LGALS1: variants seen among roughly 807,000 people sequenced by gnomAD.
LGALS1 encodes galectin 1.
A neutral mutation model predicts 14.4 loss-of-function variants in LGALS1; 14 were observed. The ratio of observed to expected loss-of-function variants is 0.97; its 90% CI spans 0.64 to 1.52. The LOEUF is 1.52. Among genes scored for constraint, LGALS1 ranks in the 40% most tolerant of loss-of-function variants. LGALS1 has a pLI of 0.00. For synonymous variants in LGALS1, 71 were observed against 73.4 expected (o/e 0.97, Z 0.17); for missense variants, 170 against 181.4 (o/e 0.94, Z 0.36).
intron 1 of LGALS1, among the ~76,000 whole-genome samples, chr22:37,676,548 A>G (rs1921433737): frequency 6.6e-6 from 1 of 152,002 alleles, no homozygotes; most frequent in African/African-American, 2.4e-5. Flanking sequence ...GAAGGAGAAT[A>G]GTGGGGTCGC....
intron 1 of LGALS1, chr22:37,676,744 C>T (rs1054392927): frequency 1.2e-4 from 68 of 583,666 alleles, no homozygotes; most frequent in Non-Finnish European, 1.9e-4. Flanking sequence ...TAGAGCCTGT[C>T]TTCTAGAACC....
chr22:37,677,094 GCAGGGACGGGCTTGGTC>G (rs752432288), intron 2 of LGALS1, 29 bp downstream of exon 2: 1 of 1,607,266 alleles, frequency 6.2e-7, no homozygotes. Flanking sequence ...GTGGTGGGCG[GCAGGGACGGGCTTGGTC>G]CAGCAGGGAG....
chr22:37,678,742 G>C (rs1202558694), intron 3 of LGALS1, 88 bp downstream of exon 3: 6 of 1,345,980 alleles, frequency 4.5e-6, no homozygotes, highest in South Asian at 2.8e-5. Flanking sequence ...CCTTGGCCCT[G>C]CCTGCTCTTT....
At chr22:37,677,177 G>A in intron 2 of LGALS1, 112 bp downstream of exon 2, 4 of 1,037,200 alleles carry the variant, frequency 3.9e-6, no homozygotes, top group Non-Finnish European at 5.6e-6. Context: ...TTAACGGCCA[G>A]CCGCCGATGC....
At chr22:37,678,869 C>A (rs1223868871) in intron 3 of LGALS1, among the ~76,000 whole-genome samples, 1 of 152,204 alleles carries the variant, frequency 6.6e-6, no homozygotes, top group South Asian at 2.1e-4. Context: ...GTGGCTCATG[C>A]CTGTAATCCC....
intron 3 of LGALS1, 93 bp downstream of exon 3, chr22:37,678,747 CTCT>C: frequency 7.9e-7 from 1 of 1,266,914 alleles, no homozygotes; most frequent in African/African-American, 1.5e-5. Context: ...GCCCTGCCTG[CTCT>C]TTCCCCTCCC....
chr22:37,678,600 G>A lies in LGALS1; in HGVS notation c.207G>A (p.Trp69Ter), dbSNP rs4887. ...IVCNSKDGGA[W>*]GTEQREAVFP... Reference sequence around the variant, plus strand: ...GCAACAGCAAGGACGGCGGGGCCTGGGGGACCGAGCAGCGGGAGGCTGTCT... The same window carrying A: ...GCAACAGCAAGGACGGCGGGGCCTGAGGGACCGAGCAGCGGGAGGCTGTCT... Residue 69 changes from tryptophan to a stop codon, truncating the protein, a stop_gained, in exon 3 of 4, where the codon TGG becomes TGA. Transcript: ENST00000215909. LOFTEE classifies it high-confidence loss of function. The A allele has an allele frequency of 5.0e-6, 8 of 1,613,218 alleles. No individual in the cohort carries two copies. The highest frequency in any genetic ancestry group is 6.8e-6 in the Non-Finnish European group (8 of 1,179,920).
chr22:37,677,362 C>T (rs991974937), intron 2 of LGALS1: 6 of 387,820 alleles, frequency 1.5e-5, no homozygotes, highest in Admixed American at 1.3e-4. Flanking sequence ...CGGGACCTGT[C>T]GCTGGGGAGG....
chr22:37,676,867 G>A (rs755266253), intron 1 of LGALS1, 119 bp from the exon 2 acceptor site: 2 of 936,618 alleles, frequency 2.1e-6, no homozygotes, highest in Non-Finnish European at 3.4e-6. Context: ...CTTCCCCTTG[G>A]CTTGGTCAGA....
intron 3 of LGALS1, 107 bp downstream of exon 3, chr22:37,678,761 C>T (rs376175122): frequency 9.1e-7 from 1 of 1,098,260 alleles, no homozygotes. Context: ...TTCCCCTCCC[C>T]TTCCCTCCCT....
At chr22:37,677,422 C>T (rs887692947) in intron 2 of LGALS1, 24 of 297,624 alleles carry the variant, frequency 8.1e-5, no homozygotes, top group Non-Finnish European at 1.4e-4. Flanking sequence ...CCCTGAGTCC[C>T]TCCTTCCTGC....
chr22:37,675,723 G>GT lies in LGALS1; in HGVS notation c.9+12_9+13insT. The GT allele has an allele frequency of 6.5e-7, 1 of 1,532,794 alleles. No homozygotes were observed. The highest frequency in any genetic ancestry group is 8.8e-7 in the Non-Finnish European group (1 of 1,138,588). The allele number at this position is 1,532,794 out of a possible 1,614,324, so 94.9% of individuals were successfully genotyped here. A position where few individuals can be genotyped will look rare whatever the true frequency, so the allele number is the denominator to read the frequency against. On this transcript the variant is annotated intron_variant, in intron 1 of 3. Coordinates refer to ENST00000215909, the MANE Select transcript of LGALS1 (RefSeq NM_002305.4). Reference sequence around the variant, plus strand: ...CAATCATGGCTTGTGTGAGTGTGGGGACCCCCCCCCAAGGTCCAGGGGATA... The same window carrying GT: ...CAATCATGGCTTGTGTGAGTGTGGGGTACCCCCCCCCAAGGTCCAGGGGATA...
Position 37,679,609 on chromosome 22 carries a change from A to C in LGALS1, c.268A>C (p.Ile90Leu), listed in dbSNP as rs768766555. The C allele has an allele frequency of 1.2e-6, 2 of 1,604,402 alleles. No homozygotes were observed. Among genetic ancestry groups the C allele is most frequent in the African/African-American group, 1.3e-5 (1 of 74,628 alleles). Reference protein sequence around the residue: ...FQPGSVAEVCITFDQANLTVK... With the variant: ...FQPGSVAEVCLTFDQANLTVK... ...TGCTCTCCTCTACCCCCAGGTGTGC[A>C]TCACCTTCGACCAGGCCAACCTGAC... is the stretch of plus-strand genomic sequence containing the variant. The change falls in exon 4 of 4, where the codon ATC becomes CTC. Residue 90 changes from isoleucine (I) to leucine (L), a missense_variant. Coordinates refer to ENST00000215909, the MANE Select transcript of LGALS1 (RefSeq NM_002305.4).
At chr22:37,678,849 G>A (rs185597405) in intron 3 of LGALS1, among the ~76,000 whole-genome samples, 195 bp downstream of exon 3, 1 of 152,296 alleles carries the variant, frequency 6.6e-6, no homozygotes, top group African/African-American at 2.4e-5. Flanking sequence ...AAAAAAAAAG[G>A]CTGGGCTTGG....
At chr22:37,675,980 T>C in intron 1 of LGALS1, 2 of 375,490 alleles carry the variant, frequency 5.3e-6, no homozygotes, top group South Asian at 8.1e-5. Context: ...TCTGCAGCTC[T>C]CTGAGAAGTG....
intron 2 of LGALS1, 164 bp downstream of exon 2, chr22:37,677,229 GC>G (rs913120148): frequency 3.0e-6 from 2 of 673,182 alleles, no homozygotes; most frequent in East Asian, 2.7e-5. Context: ...GGGTCTGGGC[GC>G]CCCCACCGTT....
At chr22:37,677,134 C>T in intron 2 of LGALS1, 69 bp downstream of exon 2, 1 of 1,463,852 alleles carries the variant, frequency 6.8e-7, no homozygotes, top group East Asian at 2.3e-5. Flanking sequence ...CGTGGCCGGC[C>T]AAGCCCACAT....
chr22:37,676,991 G>T lies in LGALS1; in HGVS notation c.15G>T (p.Leu5=). 2 of 1,614,140 alleles carry T rather than the reference G, an allele frequency of 1.2e-6. No homozygotes were observed. The highest frequency in any genetic ancestry group is 8.5e-7 in the Non-Finnish European group (1 of 1,180,036). The change falls in exon 2 of 4, where the codon CTG becomes CTT. Residue 5 remains leucine (L), a synonymous_variant. Transcript: ENST00000215909. ...GCCGGGGCTTGTCTGTGCAGGGTCT[G>T]GTCGCCAGCAACCTGAATCTCAAAC... MACG[L]VASNLNLKPG... is the part of the protein sequence containing the mutation.
In LGALS1 at chr22:37,679,748, GA is replaced by G; in HGVS notation, c.*2del. On this transcript the variant is annotated frameshift_variant and stop_lost, in exon 4 of 4. Transcript: ENST00000215909. LOFTEE classifies it high-confidence loss of function. Reference sequence around the variant, plus strand: ...AAGATCAAATGTGTGGCCTTTGACTGAAATCAGCCAGCCCATGGCCCCCAAT... The same window carrying G: ...AAGATCAAATGTGTGGCCTTTGACTGAATCAGCCAGCCCATGGCCCCCAAT... ...DFKIKCVAFD[*>X] The G allele has an allele frequency of 6.3e-7, 1 of 1,588,578 alleles. No individual in the cohort carries two copies. Among genetic ancestry groups the G allele is most frequent in the Non-Finnish European group, 8.6e-7 (1 of 1,165,748 alleles).
Sources: gnomAD v4.1 joint callset for allele counts (sites outside exome capture counted in the v4.1 genomes callset) on GRCh38, gnomAD v4.1.1 for gene constraint, MANE v1.5 for transcripts, NCBI Gene and HGNC (gene_info 2026-07-23, HGNC 2026-07-21) for gene names.